The following IRAK1BP1 variants were observed in gnomAD, a reference collection of about 807,000 sequenced individuals.
IRAK1BP1 encodes interleukin 1 receptor associated kinase 1 binding protein 1, also known as interleukin-1 receptor-associated kinase 1-binding protein 1.
IRAK1BP1 carries 24 observed loss-of-function variants against 28.0 expected under a neutral mutation model. The ratio of observed to expected loss-of-function variants is 0.86; its 90% CI spans 0.62 to 1.20. IRAK1BP1 has a LOEUF of 1.20. IRAK1BP1 is among the 50% of genes most tolerant of loss of function. The pLI is 0.00. For missense variants in IRAK1BP1, 336 were observed against 316.7 expected, an observed-to-expected ratio of 1.06 and a Z score of -0.46; for synonymous variants, 131 against 116.3, an observed-to-expected ratio of 1.13 and a Z score of -0.81.
intron 4 of IRAK1BP1, among the ~76,000 whole-genome samples, chr6:78,921,968 T>C (rs1374472112): frequency 1.3e-5 from 2 of 151,894 alleles, no homozygotes; most frequent in South Asian, 2.1e-4. Flanking sequence ...ACCACAAAGA[T>C]GGGGAAAAAA....
chr6:78,888,520 A>AT (rs35503114), intron 2 of IRAK1BP1, among the ~76,000 whole-genome samples: 62,546 of 143,742 alleles, frequency 0.44, 14,425 homozygotes, highest in East Asian at 0.69. Context: ...TACAGCTCCA[A>AT]TTTTTTTTTT....
intron 2 of IRAK1BP1, among the ~76,000 whole-genome samples, chr6:78,886,165 C>T (rs1464993182): frequency 6.6e-6 from 1 of 152,148 alleles, no homozygotes; most frequent in East Asian, 1.9e-4. Context: ...TAGAAAGTAT[C>T]TCCATCACCC....
intron 4 of IRAK1BP1, among the ~76,000 whole-genome samples, chr6:78,910,748 G>T (rs1440660379): frequency 6.6e-6 from 1 of 152,270 alleles, no homozygotes; most frequent in African/African-American, 2.4e-5. Flanking sequence ...CTTGAATCGC[G>T]CTTCTCGCCG....
intron 1 of IRAK1BP1, among the ~76,000 whole-genome samples, chr6:78,880,674 C>G (rs957658324): frequency 6.6e-6 from 1 of 152,074 alleles, no homozygotes; most frequent in African/African-American, 2.4e-5. Context: ...ATATATAGAC[C>G]TCAATTCAGC....
rs1230125606 is a variant in IRAK1BP1, at chr6:78,901,003, T to A, written c.*2669T>A. 2.0e-5 allele frequency: 3 copies of A among 152,160 alleles called. No individual in the cohort carries two copies. In the East Asian group the frequency reaches 5.8e-4, roughly 29 times the overall value. The allele number at this position is 152,160 out of a possible 1,614,324, so 9.4% of individuals were successfully genotyped here. A position where few individuals can be genotyped will look rare whatever the true frequency, so the allele number is the denominator to read the frequency against. ...TTGAATTTTTATTACCAAAAAGAAG[T>A]TACTATCCAGTTGTACAGAAAAGTA... On this transcript the variant is annotated 3_prime_UTR_variant, in exon 4 of 4. Coordinates refer to ENST00000369940, the MANE Select transcript of IRAK1BP1 (RefSeq NM_001010844.4).
chr6:78,960,759 A>G, the IRAK1BP1 span, among the ~76,000 whole-genome samples: 2 of 152,146 alleles, frequency 1.3e-5, no homozygotes, highest in African/African-American at 2.4e-5. Context: ...GGGGGCTGCT[A>G]CTGGCATCTA....
chr6:78,947,325 C>T (rs9361473), downstream of IRAK1BP1, among the ~76,000 whole-genome samples: 29,362 of 152,078 alleles, frequency 0.19, 3,101 homozygotes, highest in Admixed American at 0.25. Flanking sequence ...AAATGCTCCA[C>T]AAGGCAGATA....
rs545283597 is a variant in IRAK1BP1 at position 78,920,807 on chromosome 6, G to C, written c.*67+17697G>C. ...AAGTGGGACTTAATTAAACTAAAGA[G>C]CTTGTGCATAGCAAATATATATATA... On this transcript the variant is annotated intron_variant and NMD_transcript_variant, in intron 4 of 4. Transcript: ENST00000606868. 3.3e-5 allele frequency among the ~76,000 whole-genome samples: 5 copies of C among 152,264 alleles called. No individual in the cohort carries two copies. The South Asian group carries it at 1.0e-3, about 32-fold the overall frequency.
In IRAK1BP1 at chr6:78,898,910, A is replaced by G. The variant is rs1379233578; in HGVS notation, c.*576A>G. The G allele has an allele frequency of 6.6e-6, 1 of 152,200 alleles. No individual in the cohort carries two copies. The allele number at this position is 152,200 out of a possible 1,614,324, so 9.4% of individuals were successfully genotyped here. On this transcript the variant is annotated 3_prime_UTR_variant, in exon 4 of 4. Transcript: ENST00000369940. ...ATTTTACTTTAGTTAGAAGCTAAGTAGTTACCCTGTTACTTCTTCATGGAT... is the reference window on the plus strand; with the variant it reads ...ATTTTACTTTAGTTAGAAGCTAAGTGGTTACCCTGTTACTTCTTCATGGAT...
chr6:78,911,083 G>A (rs1045796710), intron 4 of IRAK1BP1, among the ~76,000 whole-genome samples: 1 of 152,068 alleles, frequency 6.6e-6, no homozygotes, highest in South Asian at 2.1e-4. Flanking sequence ...TGCAGCCTCC[G>A]CCTTCCTTCT....
Position 78,901,042 on chromosome 6 carries a change from C to T in IRAK1BP1, c.*2708C>T, listed in dbSNP as rs1242824962. 3 of 149,680 alleles carry T rather than the reference C, an allele frequency of 2.0e-5. No homozygotes were observed. The highest frequency in any genetic ancestry group is 3.9e-4 in the East Asian group (2 of 5,158). 9.3% of individuals were successfully genotyped at this position (149,680 alleles called of 1,614,324 possible). A position where few individuals can be genotyped will look rare whatever the true frequency, so the allele number is the denominator to read the frequency against. On this transcript the variant is annotated 3_prime_UTR_variant, in exon 4 of 4. Coordinates refer to ENST00000369940, the MANE Select transcript of IRAK1BP1 (RefSeq NM_001010844.4). Reference sequence around the variant, plus strand: ...TACAGAAAAGTAGAATGAGGTTGTGCATCAAGAAAAAAATTGTTCGTTCTC... The same window carrying T: ...TACAGAAAAGTAGAATGAGGTTGTGTATCAAGAAAAAAATTGTTCGTTCTC...
the IRAK1BP1 span, chr6:78,955,295 A>C: frequency 6.3e-7 from 1 of 1,589,138 alleles, no homozygotes; most frequent in South Asian, 1.1e-5. Flanking sequence ...TTGAGGCAAG[A>C]ATTTACCAGA....
chr6:78,933,529 C>T (rs558648703), intron 4 of IRAK1BP1, among the ~76,000 whole-genome samples: 113 of 152,094 alleles, frequency 7.4e-4, no homozygotes, highest in Non-Finnish European at 1.5e-3. Flanking sequence ...GCAGGAGAAT[C>T]GCTTGAACCC....
At chr6:78,947,761 G>T, downstream of IRAK1BP1, 1 of 1,608,700 alleles carries the variant, frequency 6.2e-7, no homozygotes, top group Non-Finnish European at 8.5e-7. Flanking sequence ...GAGTGTCAAT[G>T]ATGTCTCTGT....
chr6:78,938,220 G>C (rs1773343971), intron 4 of IRAK1BP1: 1 of 151,768 alleles, frequency 6.6e-6, no homozygotes, highest in South Asian at 2.1e-4. Context: ...CCAAGTTACT[G>C]TGCTTTACTA....
intron 2 of IRAK1BP1, among the ~76,000 whole-genome samples, chr6:78,886,704 A>G (rs984716211): frequency 9.2e-5 from 14 of 152,234 alleles, no homozygotes; most frequent in Admixed American, 5.9e-4. Context: ...GAAACTACAC[A>G]GCCAGGCTTC....
Position 78,867,707 on chromosome 6 carries a change from C to T in IRAK1BP1, c.131C>T (p.Thr44Ile). ...GGCTTACGCCACCCCCTCTCCTCAA[C>T]ACAAGCCCAAACTGCTACCCGCGAG... Reference protein sequence around the residue: ...LPGLRHPLSSTQAQTATREVQ... With the variant: ...LPGLRHPLSSIQAQTATREVQ... The change falls in exon 1 of 4, where the codon ACA (threonine) becomes ATA (isoleucine). Residue 44 changes from threonine (T) to isoleucine (I), a missense_variant. Transcript: ENST00000369940. 2 of 1,614,264 alleles carry T rather than the reference C, an allele frequency of 1.2e-6. No homozygotes were observed. Among genetic ancestry groups the T allele is most frequent in the Non-Finnish European group, 8.5e-7 (1 of 1,180,054 alleles).
chr6:78,976,207 C>G, the IRAK1BP1 span, among the ~76,000 whole-genome samples: 1 of 149,152 alleles, frequency 6.7e-6, no homozygotes, highest in Admixed American at 6.7e-5. Flanking sequence ...ACAGAGCCCT[C>G]AGAAATAACG....
intron 4 of IRAK1BP1, among the ~76,000 whole-genome samples, chr6:78,917,897 C>T (rs1772603513): frequency 6.6e-6 from 1 of 152,150 alleles, no homozygotes; most frequent in African/African-American, 2.4e-5. Context: ...ACCACTAGGT[C>T]AGCCTTACAA....
Sources: allele counts gnomAD v4.1 joint callset (sites outside exome capture counted in the v4.1 genomes callset), GRCh38; gene constraint gnomAD v4.1.1; transcripts MANE v1.5; gene names NCBI Gene and HGNC (gene_info 2026-07-23, HGNC 2026-07-21).